Variants in TMPRSS9 observed in about 807,000 individuals in gnomAD.
TMPRSS9 encodes the protein transmembrane serine protease 9.
A neutral mutation model predicts 111.4 loss-of-function variants in TMPRSS9; 113 were observed. That is an observed-to-expected ratio of 1.01 (90% CI 0.87 to 1.19). The LOEUF (loss-of-function observed/expected upper bound fraction) is 1.19, where lower values mean the gene tolerates loss of function less well. Among genes scored for constraint, TMPRSS9 ranks in the 50% most tolerant of loss-of-function variants. The pLI, the probability that TMPRSS9 is intolerant of heterozygous loss-of-function variation, is 0.00. For synonymous variants in TMPRSS9, 805 were observed against 659.1 expected (o/e 1.22, Z -3.39); for missense variants, 1,803 against 1,513.1 (o/e 1.19, Z -3.18).
In TMPRSS9 at chr19:2,399,200, G is replaced by C. The variant is rs1907525545; in HGVS notation, c.514+7G>C. On this transcript the variant is annotated splice_region_variant and intron_variant, in intron 4 of 17. Transcript: ENST00000648592. The stretch of plus-strand genomic sequence containing the variant: ...GTGTCGGCTGAGCTCACAGGTGAGT[G>C]GGCAGCCGAGACCGAAACCCCATCA... 1 of 1,579,604 alleles carries C rather than the reference G, an allele frequency of 6.3e-7. No individual in the cohort carries two copies. The highest frequency in any genetic ancestry group is 1.8e-5 in the Admixed American group (1 of 55,628).
At chr19:2,395,733 T>C (rs540229650) in intron 1 of TMPRSS9, among the ~76,000 whole-genome samples, 49 of 150,724 alleles carry the variant, frequency 3.3e-4, no homozygotes, top group East Asian at 7.8e-4. Context: ...ACAGGCCGGG[T>C]GTGGTGGCTC....
intron 1 of TMPRSS9, among the ~76,000 whole-genome samples, chr19:2,392,635 A>G (rs898702858): frequency 2.0e-5 from 3 of 152,118 alleles, no homozygotes; most frequent in Admixed American, 6.6e-5. Flanking sequence ...TAGCTGGAGG[A>G]TTGTATATGC....
rs1414863121 is a variant in TMPRSS9, at chr19:2,408,339, G to A, written c.843-17G>A. On this transcript the variant is annotated splice_polypyrimidine_tract_variant and intron_variant, in intron 7 of 17. Coordinates refer to ENST00000648592, the Ensembl canonical transcript of TMPRSS9. Reference sequence around the variant, plus strand: ...TCTGACCCTCGGTGGCTTCTGAGCTGGGGTTTGCTCCTGCAGGTTCCAAGA... The same window carrying A: ...TCTGACCCTCGGTGGCTTCTGAGCTAGGGTTTGCTCCTGCAGGTTCCAAGA... The A allele has an allele frequency of 6.2e-7, 1 of 1,607,550 alleles. No homozygotes were observed. Among genetic ancestry groups the A allele is most frequent in the Non-Finnish European group, 8.5e-7 (1 of 1,175,196 alleles).
At chr19:2,379,864 T>G (rs994502595) in intron 1 of TMPRSS9, among the ~76,000 whole-genome samples, 1 of 151,582 alleles carries the variant, frequency 6.6e-6, no homozygotes, top group Non-Finnish European at 1.5e-5. Flanking sequence ...TCACTGATCC[T>G]CAGCCTCAAG....
chr19:2,418,282 C>A, intron 13 of TMPRSS9, 144 bp downstream of exon 14: 1 of 805,138 alleles, frequency 1.2e-6, no homozygotes, highest in South Asian at 1.8e-5. Context: ...CCCTCCTTTT[C>A]CTTTCCTCCT....
intron 1 of TMPRSS9, among the ~76,000 whole-genome samples, chr19:2,376,141 T>A (rs532129761): frequency 1.3e-5 from 2 of 152,218 alleles, no homozygotes; most frequent in East Asian, 3.9e-4. Context: ...GGCGAGAATG[T>A]GTTCCCGCCT....
At chr19:2,380,482 T>G (rs1970377753) in intron 1 of TMPRSS9, among the ~76,000 whole-genome samples, 1 of 149,864 alleles carries the variant, frequency 6.7e-6, no homozygotes, top group African/African-American at 2.5e-5. Context: ...GCACCTGTAA[T>G]CCCAGCTACT....
Position 2,401,948 on chromosome 19 carries a change from GCTTCTAT to G in TMPRSS9, c.515-21_515-15del, listed in dbSNP as rs1392106216. ...AAGGGTTTTACCGCTTATTCAGTGA[GCTTCTAT>G]CTTCTCTGTTTTGTTGCAGGGAGAC... On this transcript the variant is annotated intron_variant, in intron 4 of 17. Coordinates refer to ENST00000648592, the Ensembl canonical transcript of TMPRSS9. 1 of 1,604,628 alleles carries G rather than the reference GCTTCTAT, an allele frequency of 6.2e-7. No homozygotes were observed. The highest frequency in any genetic ancestry group is 2.3e-5 in the East Asian group (1 of 44,348).
At chr19:2,420,461 T>C (rs936875688) in intron 13 of TMPRSS9, among the ~76,000 whole-genome samples, 1 of 126,000 alleles carries the variant, frequency 7.9e-6, no homozygotes, top group African/African-American at 2.9e-5. Context: ...AAAAAAAAAA[T>C]GGCATCAGAT....
upstream of TMPRSS9, among the ~76,000 whole-genome samples, chr19:2,388,495 G>C (rs1970520133): frequency 1.3e-5 from 2 of 152,216 alleles, no homozygotes; most frequent in African/African-American, 4.8e-5. Context: ...CGCTGGTAAA[G>C]ATGGGAAACG....
chr19:2,422,085 C>T lies in TMPRSS9; in HGVS notation c.2386C>T (p.Leu796Phe). 1.2e-6 allele frequency: 2 copies of T among 1,608,312 alleles called. No homozygotes were observed. Among genetic ancestry groups the T allele is most frequent in the Admixed American group, 3.3e-5 (2 of 59,778 alleles). Residue 796 changes from leucine (L) to phenylalanine (F), a missense_variant, in exon 14 of 18, where the codon CTC (leucine) becomes TTC (phenylalanine). Coordinates refer to ENST00000648592, the Ensembl canonical transcript of TMPRSS9. ...CACCAGCCCCAGGACGACAGCTGGC[C>T]TCACAGTCCCGGGGGCCACACCCAG...
chr19:2,360,887 C>T (rs1970189833), intron 1 of TMPRSS9, among the ~76,000 whole-genome samples: 1 of 148,702 alleles, frequency 6.7e-6, no homozygotes, highest in South Asian at 2.2e-4. Context: ...GGGTAGATGC[C>T]GCCAGGGTGT....
chr19:2,382,645 AC>A (rs1970398648), intron 1 of TMPRSS9, among the ~76,000 whole-genome samples: 1 of 149,608 alleles, frequency 6.7e-6, no homozygotes, highest in Non-Finnish European at 1.5e-5. Context: ...CACAGACCAC[AC>A]ATGCACACAT....
In TMPRSS9 at chr19:2,421,050, A is replaced by G. The variant is rs144726560; in HGVS notation, c.2155-804A>G. 7.4e-3 allele frequency among the ~76,000 whole-genome samples: 1,129 copies of G among 152,006 alleles called. 47 individuals carry two copies. The highest frequency in any genetic ancestry group is 0.064 in the Admixed American group (972 of 15,234). ...TGAAGCCCCCATCTCTACTAAAAAT[A>G]CAAAAATTAGCCGGGCGTTGTGGCT... On this transcript the variant is annotated intron_variant, in intron 13 of 17. Coordinates refer to ENST00000648592, the Ensembl canonical transcript of TMPRSS9.
At chr19:2,417,876 T>C (rs1333752179) in intron 12 of TMPRSS9, 126 bp from the exon 14 acceptor site, 3 of 1,324,884 alleles carry the variant, frequency 2.3e-6, no homozygotes, top group East Asian at 4.6e-5. Flanking sequence ...TTCCTGCAAC[T>C]CTGTGAGCCC....
In TMPRSS9 at chr19:2,421,877, C is replaced by T; in HGVS notation, c.2178C>T (p.Ala726=). Residue 726 remains alanine (A), a synonymous_variant, in exon 14 of 18, where the codon GCC becomes GCT. Transcript: ENST00000648592. ...AGGGTGACTCTGGGGGCCCCCTGGC[C>T]TGCGAGGAGGCCCCTGGCGTGTTTT... 4 of 1,609,090 alleles carry T rather than the reference C, an allele frequency of 2.5e-6. No homozygotes were observed. The South Asian group carries it at 4.4e-5, about 18-fold the overall frequency.
chr19:2,383,653 TAA>T (rs1970414946), intron 1 of TMPRSS9, among the ~76,000 whole-genome samples: 1 of 145,456 alleles, frequency 6.9e-6, no homozygotes. Flanking sequence ...AGAAATTTTT[TAA>T]CTTAGCTGGC....
At chr19:2,389,948 C>T in intron 1 of TMPRSS9, 21 bp downstream of exon 2, 2 of 1,597,566 alleles carry the variant, frequency 1.3e-6, no homozygotes, top group South Asian at 1.1e-5. Flanking sequence ...ATGGGATTGG[C>T]TGGGTTCGCA....
At chr19:2,380,171 A>C (rs76555076) in intron 1 of TMPRSS9, among the ~76,000 whole-genome samples, 16,051 of 152,058 alleles carry the variant, frequency 0.11, 1,663 homozygotes, top group African/African-American at 0.27. Flanking sequence ...AATCATGCAG[A>C]GAGTCATGAG....
Sources: allele counts gnomAD v4.1 joint callset (sites outside exome capture counted in the v4.1 genomes callset), GRCh38; gene constraint gnomAD v4.1.1; transcripts MANE v1.5; gene names NCBI Gene and HGNC (gene_info 2026-07-23, HGNC 2026-07-21).